NLGN1: variants seen among roughly 807,000 people sequenced by gnomAD.
NLGN1 encodes the protein neuroligin 1, also known as neuroligin-1.
A neutral mutation model predicts 65.5 loss-of-function variants in NLGN1; 12 were observed. The ratio of observed to expected loss-of-function variants is 0.18; its 90% CI spans 0.12 to 0.30. The LOEUF (loss-of-function observed/expected upper bound fraction) is 0.30, where lower values mean the gene tolerates loss of function less well. Ranked by LOEUF, NLGN1 falls within the 10% of genes least tolerant of loss-of-function variation. NLGN1 has a pLI of 1.00. For synonymous variants in NLGN1, 350 were observed against 359.5 expected (o/e 0.97, Z 0.30); for missense variants, 750 against 1,007.1 (o/e 0.74, Z 3.46).
chr3:174,182,899 G>T (rs1214832887), intron 4 of NLGN1, among the ~76,000 whole-genome samples: 2 of 152,052 alleles, frequency 1.3e-5, no homozygotes, highest in Non-Finnish European at 2.9e-5. Flanking sequence ...TTCTATTCAT[G>T]CTCTAAAGTA....
At chr3:173,642,919 A>G (rs947849332) in intron 3 of NLGN1, among the ~76,000 whole-genome samples, 12 of 152,230 alleles carry the variant, frequency 7.9e-5, no homozygotes, top group African/African-American at 2.9e-4. Flanking sequence ...GAATTAGCAG[A>G]CAAGACATTA....
chr3:173,750,737 G>C (rs1022227097), intron 3 of NLGN1, among the ~76,000 whole-genome samples: 4 of 152,052 alleles, frequency 2.6e-5, no homozygotes, highest in African/African-American at 9.7e-5. Context: ...CAACTTCTCT[G>C]TCATTAATTC....
chr3:173,410,433 T>A (rs1339688149), intron 1 of NLGN1, among the ~76,000 whole-genome samples: 1 of 152,184 alleles, frequency 6.6e-6, no homozygotes, highest in Non-Finnish European at 1.5e-5. Context: ...AAACGCTACC[T>A]CAATTGTGAC....
rs1040666406 is a variant in NLGN1, at chr3:173,938,814, G to C, written c.646+130982G>C. ...AGTACCGAGAAAAGGCATCAACTCA[G>C]TGGCTCCCAGCATCAGTGATTTATG... On this transcript the variant is annotated intron_variant, in intron 4 of 6. Coordinates refer to ENST00000457714, the Ensembl canonical transcript of NLGN1. Among the ~76,000 whole-genome samples the C allele has an allele frequency of 5.9e-5, 9 of 152,162 alleles. 2 individuals carry two copies. The highest frequency in any genetic ancestry group is 6.5e-5 in the Admixed American group (1 of 15,268).
intron 2 of NLGN1, among the ~76,000 whole-genome samples, chr3:173,476,027 C>T (rs1726142339): frequency 6.6e-6 from 1 of 152,120 alleles, no homozygotes; most frequent in Non-Finnish European, 1.5e-5. Flanking sequence ...GGCTGTAGTT[C>T]TCTGGCTACA....
chr3:174,256,459 A>G (rs77688464), intron 4 of NLGN1, among the ~76,000 whole-genome samples: 2,094 of 152,214 alleles, frequency 0.014, 36 homozygotes, highest in East Asian at 0.03. Context: ...TGTTTCCATA[A>G]TCTATGAAAT....
chr3:173,775,044 T>A (rs1051687592), intron 3 of NLGN1, among the ~76,000 whole-genome samples: 1 of 152,174 alleles, frequency 6.6e-6, no homozygotes, highest in Non-Finnish European at 1.5e-5. Flanking sequence ...TGCACCAAGC[T>A]TATGCAATTA....
chr3:173,788,786 A>G (rs909456162), intron 3 of NLGN1, among the ~76,000 whole-genome samples: 3 of 143,026 alleles, frequency 2.1e-5, no homozygotes, highest in African/African-American at 7.7e-5. Flanking sequence ...ACACCTGTGA[A>G]TAGCCACTAC....
At chr3:173,868,086 C>G (rs1194648728) in intron 4 of NLGN1, among the ~76,000 whole-genome samples, 1 of 152,140 alleles carries the variant, frequency 6.6e-6, no homozygotes, top group Non-Finnish European at 1.5e-5. Context: ...TAGTCAGTGC[C>G]ACCCAATTTA....
intron 3 of NLGN1, among the ~76,000 whole-genome samples, chr3:173,739,058 G>A (rs181937469): frequency 1.1e-4 from 17 of 152,090 alleles, no homozygotes; most frequent in Non-Finnish European, 1.9e-4. Flanking sequence ...GATTTCATCA[G>A]GCTGTATTGG....
At chr3:173,645,536 A>G (rs967091343) in intron 3 of NLGN1, among the ~76,000 whole-genome samples, 3 of 152,204 alleles carry the variant, frequency 2.0e-5, no homozygotes, top group Non-Finnish European at 4.4e-5. Flanking sequence ...ACAGTGGCCC[A>G]GTTGAGAATG....
At chr3:174,281,109 C>G in exon 7 of NLGN1, 1 of 1,613,324 alleles carries the variant, frequency 6.2e-7, no homozygotes, top group Non-Finnish European at 8.5e-7. Flanking sequence ...CGCCTGTCCC[C>G]CAGATTACAC....
chr3:173,435,360 T>A (rs1043953614), intron 2 of NLGN1, among the ~76,000 whole-genome samples: 3 of 152,194 alleles, frequency 2.0e-5, no homozygotes, highest in Admixed American at 1.3e-4. Context: ...CTGATTTTAT[T>A]TTTGAAAATT....
chr3:173,791,905 C>G (rs1236936823), intron 3 of NLGN1, among the ~76,000 whole-genome samples: 1 of 152,108 alleles, frequency 6.6e-6, no homozygotes. Context: ...TCAGTAGGGT[C>G]ATTTCTAGCT....
chr3:173,680,952 A>AT (rs1247141436), intron 3 of NLGN1, among the ~76,000 whole-genome samples: 10 of 152,098 alleles, frequency 6.6e-5, no homozygotes, highest in South Asian at 2.1e-4. Context: ...TTCAGGCTAC[A>AT]TTTTTTTTAA....
At chr3:173,539,694 A>G (rs1738293002) in intron 2 of NLGN1, among the ~76,000 whole-genome samples, 1 of 137,360 alleles carries the variant, frequency 7.3e-6, no homozygotes, top group Non-Finnish European at 1.6e-5. Flanking sequence ...ATATATGTAC[A>G]TATGCACATA....
chr3:173,663,546 A>C (rs1577821345), intron 3 of NLGN1, among the ~76,000 whole-genome samples: 2 of 152,048 alleles, frequency 1.3e-5, no homozygotes, highest in South Asian at 2.1e-4. Context: ...AGCTAGTGCC[A>C]AAATAATAAA....
chr3:174,066,651 G>A (rs548626779), intron 4 of NLGN1, among the ~76,000 whole-genome samples: 31 of 151,396 alleles, frequency 2.0e-4, no homozygotes, highest in African/African-American at 7.0e-4. Flanking sequence ...AAGTAAACCA[G>A]TGTGTTATCA....
chr3:173,618,416 C>G (rs1464228453), intron 3 of NLGN1, among the ~76,000 whole-genome samples: 2 of 152,056 alleles, frequency 1.3e-5, no homozygotes, highest in Non-Finnish European at 2.9e-5. Context: ...AAGCTGATCT[C>G]TAACTGCTGA....
Sources: allele counts gnomAD v4.1 joint callset (sites outside exome capture counted in the v4.1 genomes callset), GRCh38; gene constraint gnomAD v4.1.1; transcripts MANE v1.5; gene names NCBI Gene and HGNC (gene_info 2026-07-23, HGNC 2026-07-21).